The following TAF3 variants were observed in gnomAD, a reference collection of about 807,000 sequenced individuals.
TAF3 encodes TATA-box binding protein associated factor 3.
Under a neutral mutation model 80.6 loss-of-function variants are expected in TAF3, and 7 were observed. The ratio of observed to expected loss-of-function variants is 0.09; its 90% confidence interval spans 0.05 to 0.16. The LOEUF is 0.16. Ranked by LOEUF, TAF3 falls within the 10% of genes least tolerant of loss-of-function variation. The pLI is 1.00. For synonymous variants in TAF3, 444 were observed against 446.1 expected, an observed-to-expected ratio of 1.00 and a Z score of 0.06; for missense variants, 921 against 1,140.2, an observed-to-expected ratio of 0.81 and a Z score of 2.77.
At chr10:7,828,603 T>C (rs2131102049) in intron 2 of TAF3, among the ~76,000 whole-genome samples, 1 of 152,016 alleles carries the variant, frequency 6.6e-6, no homozygotes. Flanking sequence ...CCTATTTTAT[T>C]GTGCTGAGGA....
intron 2 of TAF3, among the ~76,000 whole-genome samples, chr10:7,839,273 C>T (rs753284350): frequency 6.6e-6 from 1 of 152,144 alleles, no homozygotes; most frequent in Non-Finnish European, 1.5e-5. Context: ...CATCATACTT[C>T]ATATATTTTG....
At chr10:7,984,687 G>T (rs74414169) in intron 4 of TAF3, among the ~76,000 whole-genome samples, 1 of 152,078 alleles carries the variant, frequency 6.6e-6, no homozygotes, top group East Asian at 1.9e-4. Flanking sequence ...CTTTCTCTCC[G>T]CAGTGTTATC....
intron 4 of TAF3, among the ~76,000 whole-genome samples, chr10:7,983,365 G>C (rs1261282375): frequency 6.6e-6 from 1 of 152,208 alleles, no homozygotes; most frequent in Admixed American, 6.5e-5. Flanking sequence ...TTTTATTGTA[G>C]TTAGGAAAAG....
rs527335521 is a variant in TAF3 at position 8,000,088 on chromosome 10, G to A, written c.2316-8990G>A. On this transcript the variant is annotated intron_variant, in intron 4 of 6. Transcript: ENST00000344293. ...AAAAATTCCTAGCAACAGTTTAGAC[G>A]TATACATTGTAACAGGCATTTTCAT... Among the ~76,000 whole-genome samples the A allele has an allele frequency of 6.4e-4, 98 of 152,198 alleles. 2 individuals carry two copies. In the South Asian group the frequency reaches 0.012, roughly 19 times the overall value.
intron 3 of TAF3, among the ~76,000 whole-genome samples, chr10:7,966,409 C>G (rs575305510): frequency 6.6e-6 from 1 of 152,306 alleles, no homozygotes; most frequent in South Asian, 2.1e-4. Flanking sequence ...AGTCAGACTT[C>G]ATTTCATAGC....
At position 7,990,492 on chromosome 10, in the gene TAF3, A is replaced by G. The variant is rs151157437; in HGVS notation, c.2315+13169A>G. ...TCAGGGTAAATTTTGAATGACCGCT[A>G]CATCTTTTTTCTCGCCTTGCTAGCA... On this transcript the variant is annotated intron_variant, in intron 4 of 6. Transcript: ENST00000344293. Among the ~76,000 whole-genome samples the G allele has an allele frequency of 3.5e-4, 54 of 152,334 alleles. No homozygotes were observed. In the East Asian group the frequency reaches 6.7e-3, roughly 19 times the overall value.
chr10:7,900,899 AAAC>A (rs1837551782), intron 2 of TAF3, among the ~76,000 whole-genome samples: 1 of 152,146 alleles, frequency 6.6e-6, no homozygotes, highest in Non-Finnish European at 1.5e-5. Context: ...ATTTATCACA[AAAC>A]AATTCACGTT....
intron 2 of TAF3, among the ~76,000 whole-genome samples, chr10:7,896,022 G>A (rs1837500849): frequency 6.6e-6 from 1 of 152,082 alleles, no homozygotes; most frequent in Non-Finnish European, 1.5e-5. Flanking sequence ...TAGCAGGAGT[G>A]GGAATGGAAT....
chr10:8,013,848 A>G lies in TAF3; in HGVS notation c.2675+11A>G. On this transcript the variant is annotated intron_variant, in intron 6 of 6. Coordinates refer to ENST00000344293, the MANE Select transcript of TAF3 (RefSeq NM_031923.4). ...TGACTGGTACCACTGGTGAGTGCCC[A>G]GGGCGCCCTGCCGGCCACACTCATT... is the stretch of plus-strand genomic sequence containing the variant. The G allele has an allele frequency of 6.2e-7, 1 of 1,611,912 alleles. No individual in the cohort carries two copies. Among genetic ancestry groups the G allele is most frequent in the Non-Finnish European group, 8.5e-7 (1 of 1,177,988 alleles).
At chr10:7,859,213 A>C (rs745538085) in intron 2 of TAF3, among the ~76,000 whole-genome samples, 10 of 151,926 alleles carry the variant, frequency 6.6e-5, no homozygotes, top group Non-Finnish European at 1.3e-4. Context: ...GTGAGCTGAG[A>C]TCATGCCATT....
intron 2 of TAF3, among the ~76,000 whole-genome samples, chr10:7,951,654 G>C (rs546437357): frequency 4.6e-5 from 7 of 152,356 alleles, no homozygotes; most frequent in Non-Finnish European, 7.3e-5. Flanking sequence ...GGGCATAGAT[G>C]CAGGGAGGGG....
intron 2 of TAF3, among the ~76,000 whole-genome samples, chr10:7,852,276 C>G (rs1837035807): frequency 6.6e-6 from 1 of 152,186 alleles, no homozygotes; most frequent in South Asian, 2.1e-4. Flanking sequence ...ATCAAATAAC[C>G]AGTCTTTTCA....
intron 2 of TAF3, among the ~76,000 whole-genome samples, chr10:7,905,084 G>A (rs533802877): frequency 6.6e-6 from 1 of 152,130 alleles, no homozygotes; most frequent in East Asian, 1.9e-4. Flanking sequence ...TAGTAGGAGG[G>A]CATTTTCTTT....
At chr10:7,909,096 T>C (rs1004063789) in intron 2 of TAF3, among the ~76,000 whole-genome samples, 1 of 152,254 alleles carries the variant, frequency 6.6e-6, no homozygotes, top group Non-Finnish European at 1.5e-5. Context: ...CGTGGAGGCC[T>C]GCCAGGGGCC....
intron 2 of TAF3, among the ~76,000 whole-genome samples, chr10:7,942,959 T>C (rs1340194246): frequency 3.9e-5 from 6 of 152,244 alleles, no homozygotes; most frequent in Admixed American, 3.9e-4. Flanking sequence ...AATTTGACCT[T>C]CGTCACAGCC....
At chr10:7,918,619 G>A (rs1441440653) in intron 2 of TAF3, among the ~76,000 whole-genome samples, 1 of 152,138 alleles carries the variant, frequency 6.6e-6, no homozygotes, top group East Asian at 1.9e-4. Flanking sequence ...ATGCACCAGG[G>A]GGCAGGCCTC....
At chr10:7,905,725 C>A (rs1168265020) in intron 2 of TAF3, among the ~76,000 whole-genome samples, 1 of 151,668 alleles carries the variant, frequency 6.6e-6, no homozygotes. Flanking sequence ...ACTAAAAATA[C>A]AAAAAAAATT....
chr10:7,983,681 T>G (rs1831749271), intron 4 of TAF3, among the ~76,000 whole-genome samples: 1 of 152,016 alleles, frequency 6.6e-6, no homozygotes, highest in Non-Finnish European at 1.5e-5. Context: ...CGTTAAAAGC[T>G]AAACATCATG....
At chr10:7,859,596 CGCCCTCCATTT>C (rs889513175) in intron 2 of TAF3, among the ~76,000 whole-genome samples, 14 of 152,314 alleles carry the variant, frequency 9.2e-5, no homozygotes, top group African/African-American at 2.4e-4. Flanking sequence ...GAACCTTAGA[CGCCCTCCATTT>C]GCCCTCCATT....
Sources: allele counts gnomAD v4.1 joint callset (sites outside exome capture counted in the v4.1 genomes callset), GRCh38; gene constraint gnomAD v4.1.1; transcripts MANE v1.5; gene names NCBI Gene and HGNC (gene_info 2026-07-23, HGNC 2026-07-21).